The following MYO7A variants were observed in gnomAD, a reference collection of about 807,000 sequenced individuals.
MYO7A encodes the protein unconventional myosin-VIIa.
A neutral mutation model predicts 263.8 loss-of-function variants in MYO7A; 210 were observed. The ratio of observed to expected loss-of-function variants is 0.80; its 90% confidence interval spans 0.71 to 0.89. The LOEUF is 0.89. MYO7A is among the 40% of genes least tolerant of loss of function. The pLI, the probability that MYO7A is intolerant of heterozygous loss-of-function variation, is 0.00. For missense variants in MYO7A, 2,820 were observed against 2,968.3 expected, an observed-to-expected ratio of 0.95 and a Z score of 1.16; for synonymous variants, 1,239 against 1,197.3, an observed-to-expected ratio of 1.03 and a Z score of -0.72.
chr11:77,180,097 AC>A, intron 21 of MYO7A, 144 bp downstream of exon 21: 1 of 927,474 alleles, frequency 1.1e-6, no homozygotes, highest in Non-Finnish European at 1.6e-6. Context: ...CATACCTGGG[AC>A]CAGACCCTCA....
At chr11:77,202,647 G>A (rs1957147276) in intron 37 of MYO7A, among the ~76,000 whole-genome samples, 1 of 152,042 alleles carries the variant, frequency 6.6e-6, no homozygotes, top group African/African-American at 2.4e-5. Context: ...ACCCCAGGCT[G>A]GGCATTCGAG....
chr11:77,166,183 G>A (rs1555072454), intron 15 of MYO7A, 21 bp downstream of exon 15: 1 of 1,609,562 alleles, frequency 6.2e-7, no homozygotes, highest in Admixed American at 1.7e-5. Context: ...TGCGGTTTCT[G>A]TTGTTCGGGA....
At chr11:77,173,410 C>T (rs1954314736) in intron 16 of MYO7A, among the ~76,000 whole-genome samples, 1 of 152,234 alleles carries the variant, frequency 6.6e-6, no homozygotes, top group African/African-American at 2.4e-5. Flanking sequence ...TTCTGAATAA[C>T]ATTTGTTGGG....
Position 77,183,662 on chromosome 11 carries a change from G to C in MYO7A, c.3375+505G>C, listed in dbSNP as rs371607288. 1.6e-4 allele frequency among the ~76,000 whole-genome samples: 25 copies of C among 152,268 alleles called. No individual in the cohort carries two copies. In the East Asian group the frequency reaches 4.4e-3, roughly 27 times the overall value. Reference sequence around the variant, plus strand: ...TGGCAGGGGAGGATACACTGGAGAGGCAGACACAAACCAAGGCATTCACAG... The same window carrying C: ...TGGCAGGGGAGGATACACTGGAGAGCCAGACACAAACCAAGGCATTCACAG... On this transcript the variant is annotated intron_variant, in intron 26 of 48. Coordinates refer to ENST00000409709, the MANE Select transcript of MYO7A (RefSeq NM_000260.4).
rs544043266 is a variant in MYO7A at position 77,202,358 on chromosome 11, G to A, written c.5102G>A (p.Arg1701Gln). ...GACGTTGTCCGGCTCTTGCAGCTGCGAACGGCGGAGCCCGAGGTGCGTGCC... is the reference window on the plus strand; with the variant it reads ...GACGTTGTCCGGCTCTTGCAGCTGCAAACGGCGGAGCCCGAGGTGCGTGCC... ...RQDVVRLLQLRTAEPEVRAKP... is the reference protein window; with the variant it reads ...RQDVVRLLQLQTAEPEVRAKP... Residue 1701 changes from arginine to glutamine, a missense_variant, in exon 37 of 49, where the codon CGA (arginine) becomes CAA (glutamine). Coordinates refer to ENST00000409709, the MANE Select transcript of MYO7A (RefSeq NM_000260.4). The A allele has an allele frequency of 2.8e-5, 44 of 1,569,410 alleles. No individual in the cohort carries two copies. The highest frequency in any genetic ancestry group is 1.2e-4 in the South Asian group (10 of 85,240).
chr11:77,140,599 C>T (rs1482859544), intron 2 of MYO7A, among the ~76,000 whole-genome samples: 1 of 152,220 alleles, frequency 6.6e-6, no homozygotes, highest in Non-Finnish European at 1.5e-5. Flanking sequence ...GGGACTCAGA[C>T]CCAGCCCCAC....
In MYO7A at chr11:77,214,744, T is replaced by C. The variant is rs771002400; in HGVS notation, c.*48T>C. 2 of 1,439,782 alleles carry C rather than the reference T, an allele frequency of 1.4e-6. No individual in the cohort carries two copies. Among genetic ancestry groups the C allele is most frequent in the South Asian group, 2.5e-5 (2 of 81,284 alleles). 89.2% of individuals were successfully genotyped at this position (1,439,782 alleles called of 1,614,324 possible). ...TCCATGCCTGCTCTCGAGGCAGCAG[T>C]GGGTTCAGGCCCATCAGCTACCCCT... On this transcript the variant is annotated 3_prime_UTR_variant, in exon 49 of 49. Coordinates refer to ENST00000409709, the MANE Select transcript of MYO7A (RefSeq NM_000260.4).
chr11:77,150,169 G>A (rs1214881172), intron 4 of MYO7A, among the ~76,000 whole-genome samples: 2 of 152,258 alleles, frequency 1.3e-5, no homozygotes, highest in Non-Finnish European at 2.9e-5. Flanking sequence ...AGGAGGCGGA[G>A]GGCCCCGTCT....
At position 77,203,135 on chromosome 11, in the gene MYO7A, G is replaced by T. The variant is rs1189132240; in HGVS notation, c.5244G>T (p.Thr1748=). 6.4e-7 allele frequency: 1 copy of T among 1,550,606 alleles called. No individual in the cohort carries two copies. ...GCAAGGACCGGCTGTGGAGCCACACGCGGGAACCGCTCAAGCAGGCGCTGC... is the reference window on the plus strand; with the variant it reads ...GCAAGGACCGGCTGTGGAGCCACACTCGGGAACCGCTCAAGCAGGCGCTGC... ...ARGKDRLWSH[T]REPLKQALLK... is the part of the protein sequence containing the mutation. Residue 1748 remains threonine (T), a synonymous_variant, in exon 38 of 49, where the codon ACG becomes ACT. Transcript: ENST00000409709.
chr11:77,201,495 A>G lies in MYO7A; in HGVS notation c.4900A>G (p.Ile1634Val). ...FLSFAKGDLIILDHDTGEQVM... is the reference protein window; with the variant it reads ...FLSFAKGDLIVLDHDTGEQVM... ...CAGCTTTGCCAAGGGAGACCTCATC[A>G]TCCTGGACCATGACACGGGCGAGCA... Residue 1634 changes from isoleucine to valine, a missense_variant, in exon 36 of 49, where the codon ATC (isoleucine) becomes GTC (valine). Transcript: ENST00000409709. 2 of 1,613,948 alleles carry G rather than the reference A, an allele frequency of 1.2e-6. No individual in the cohort carries two copies. The highest frequency in any genetic ancestry group is 3.3e-4 in the Middle Eastern group (2 of 6,062).
chr11:77,150,216 C>A lies in MYO7A; in HGVS notation c.285+2266C>A, dbSNP rs147114801. 4.1e-4 allele frequency among the ~76,000 whole-genome samples: 62 copies of A among 152,328 alleles called. No homozygotes were observed. In the East Asian group the frequency reaches 7.7e-3, roughly 19 times the overall value. Reference sequence around the variant, plus strand: ...CTGGGTAAAATGGAAGTTTTCCCGCCGGGCCCCCTGCAGACCAGTGTCTCA... The same window carrying A: ...CTGGGTAAAATGGAAGTTTTCCCGCAGGGCCCCCTGCAGACCAGTGTCTCA... On this transcript the variant is annotated intron_variant, in intron 4 of 48. Transcript: ENST00000409709.
chr11:77,155,503 C>T (rs954436007), intron 4 of MYO7A, among the ~76,000 whole-genome samples: 10 of 152,224 alleles, frequency 6.6e-5, no homozygotes, highest in Non-Finnish European at 1.0e-4. Flanking sequence ...TGATTAATTT[C>T]GCTCTAAAAG....
intron 2 of MYO7A, 140 bp downstream of exon 2, chr11:77,130,792 T>C (rs1206721176): frequency 1.1e-6 from 1 of 937,342 alleles, no homozygotes; most frequent in Non-Finnish European, 1.7e-6. Flanking sequence ...CCCTCCAGGC[T>C]GAGGCCTAGT....
Position 77,192,038 on chromosome 11 carries a change from T to G in MYO7A, c.3925-13T>G. The G allele has an allele frequency of 6.2e-7, 1 of 1,608,674 alleles. No individual in the cohort carries two copies. The highest frequency in any genetic ancestry group is 8.5e-7 in the Non-Finnish European group (1 of 1,177,222). ...TGACTCTGTGCCTGCTCCCCTCCCC[T>G]CTGTGCCCACAGGTGTCCTCCCTGG... On this transcript the variant is annotated splice_polypyrimidine_tract_variant and intron_variant, in intron 30 of 48. Coordinates refer to ENST00000409709, the MANE Select transcript of MYO7A (RefSeq NM_000260.4).
chr11:77,129,423 G>T (rs1555045426), intron 1 of MYO7A, among the ~76,000 whole-genome samples: 1 of 152,190 alleles, frequency 6.6e-6, no homozygotes. Flanking sequence ...GGGCCCTTGT[G>T]AAAAATTGAT....
chr11:77,202,264 A>G, intron 36 of MYO7A, 36 bp from the exon 37 acceptor site: 3 of 1,554,554 alleles, frequency 1.9e-6, no homozygotes, highest in Non-Finnish European at 2.6e-6. Flanking sequence ...CCACAGGTAG[A>G]GAGCTGACCT....
intron 4 of MYO7A, among the ~76,000 whole-genome samples, chr11:77,150,939 C>T (rs948626029): frequency 2.6e-5 from 4 of 152,312 alleles, no homozygotes; most frequent in Admixed American, 6.5e-5. Flanking sequence ...GGCAACCCCC[C>T]GTCCCTTCAT....
At chr11:77,173,012 C>T (rs1016825534) in intron 16 of MYO7A, 127 bp downstream of exon 16, 39 of 1,335,778 alleles carry the variant, frequency 2.9e-5, no homozygotes, top group South Asian at 7.7e-5. Context: ...GGGGGCACCC[C>T]GGGAGCTTAC....
chr11:77,152,261 A>G (rs1952036466), intron 4 of MYO7A, among the ~76,000 whole-genome samples: 1 of 152,222 alleles, frequency 6.6e-6, no homozygotes, highest in Non-Finnish European at 1.5e-5. Context: ...CATCCCTCCC[A>G]CGCTGTTCTG....
Sources: gnomAD v4.1 joint callset for allele counts (sites outside exome capture counted in the v4.1 genomes callset) on GRCh38, gnomAD v4.1.1 for gene constraint, MANE v1.5 for transcripts, NCBI Gene and HGNC (gene_info 2026-07-23, HGNC 2026-07-21) for gene names.